TLE4: variants seen among roughly 807,000 people sequenced by gnomAD.
TLE4 encodes the protein transducin-like enhancer protein 4.
A neutral mutation model predicts 92.8 loss-of-function variants in TLE4; 8 were observed. That is an observed-to-expected ratio of 0.09 (90% confidence interval 0.05 to 0.16). TLE4 has a LOEUF of 0.16. TLE4 is among the 10% of genes least tolerant of loss of function. The pLI, the probability that TLE4 is intolerant of heterozygous loss-of-function variation, is 1.00. For synonymous variants in TLE4, 371 were observed against 374.1 expected (o/e 0.99, Z 0.10); for missense variants, 675 against 997.6 (o/e 0.68, Z 4.36).
intron 6 of TLE4, 97 bp downstream of exon 6, chr9:79,627,545 C>T (rs577180091): frequency 8.6e-7 from 1 of 1,164,796 alleles, no homozygotes; most frequent in Non-Finnish European, 1.3e-6. Context: ...GGGCAAAAAG[C>T]AATAGATGAC....
intron 8 of TLE4, among the ~76,000 whole-genome samples, chr9:79,660,292 T>A (rs933411078): frequency 1.3e-5 from 2 of 152,236 alleles, no homozygotes; most frequent in African/African-American, 4.8e-5. Flanking sequence ...TATTTTCTTA[T>A]GTGTTATTTA....
chr9:79,576,848 A>G (rs903662096), intron 4 of TLE4: 1 of 152,006 alleles, frequency 6.6e-6, no homozygotes. Context: ...ACTGAGAGAT[A>G]CGACTCAAAC....
chr9:79,687,271 G>A (rs1227771298), intron 8 of TLE4, among the ~76,000 whole-genome samples: 1 of 152,150 alleles, frequency 6.6e-6, no homozygotes, highest in Non-Finnish European at 1.5e-5. Context: ...CCACGTACAA[G>A]TTATACAGAA....
intron 4 of TLE4, among the ~76,000 whole-genome samples, chr9:79,594,400 A>G (rs2043437652): frequency 6.6e-6 from 1 of 152,114 alleles, no homozygotes; most frequent in East Asian, 1.9e-4. Flanking sequence ...CTTGAATGAG[A>G]TCTCACATTT....
intron 8 of TLE4, among the ~76,000 whole-genome samples, chr9:79,695,512 A>G (rs930341425): frequency 4.6e-5 from 7 of 152,206 alleles, no homozygotes; most frequent in African/African-American, 1.4e-4. Flanking sequence ...TGAAGCATAC[A>G]TGAGCAGAAC....
chr9:79,593,501 A>AC (rs1382263156), intron 4 of TLE4, among the ~76,000 whole-genome samples: 1 of 152,254 alleles, frequency 6.6e-6, no homozygotes, highest in African/African-American at 2.4e-5. Flanking sequence ...AACAGTCAGA[A>AC]CACAGTGATT....
Position 79,725,277 on chromosome 9 carries a change from C to A in TLE4, c.*133C>A. On this transcript the variant is annotated 3_prime_UTR_variant, in exon 20 of 20. Coordinates refer to ENST00000376552, the MANE Select transcript of TLE4 (RefSeq NM_007005.6). ...CATTGCAGTTGTGGAGTTTAATCCC[C>A]TTTCTTAACCTCACTTCCCACTTGC... is the stretch of plus-strand genomic sequence containing the variant. 1.7e-6 allele frequency: 1 copy of A among 600,240 alleles called. No individual in the cohort carries two copies. The highest frequency in any genetic ancestry group is 2.9e-6 in the Non-Finnish European group (1 of 340,134). The allele number at this position is 600,240 out of a possible 1,614,324, so 37.2% of individuals were successfully genotyped here.
At chr9:79,680,668 C>G (rs369187560) in intron 8 of TLE4, among the ~76,000 whole-genome samples, 1 of 152,054 alleles carries the variant, frequency 6.6e-6, no homozygotes, top group African/African-American at 2.4e-5. Flanking sequence ...ACTATGTTGA[C>G]TAGGAGTGGT....
chr9:79,572,665 G>C lies in TLE4; in HGVS notation c.-126G>C. The C allele has an allele frequency of 4.7e-6, 4 of 852,726 alleles. No individual in the cohort carries two copies. Among genetic ancestry groups the C allele is most frequent in the Non-Finnish European group, 7.0e-6 (4 of 573,694 alleles). 52.8% of individuals were successfully genotyped at this position (852,726 alleles called of 1,614,324 possible). A position where few individuals can be genotyped will look rare whatever the true frequency, so the allele number is the denominator to read the frequency against. ...GTCACGCGAGACCCGGCGGGGGCCG[G>C]GACCGCCCGAGCCGCCCCTCAGACC... On this transcript the variant is annotated 5_prime_UTR_variant, in exon 1 of 20. Transcript: ENST00000376552.
chr9:79,596,421 T>C (rs989285558), intron 4 of TLE4, among the ~76,000 whole-genome samples: 5 of 152,072 alleles, frequency 3.3e-5, no homozygotes, highest in Non-Finnish European at 7.4e-5. Context: ...TGGGTAAAAG[T>C]GCAAGAAAAG....
chr9:79,586,704 C>A (rs2041199442), intron 4 of TLE4, among the ~76,000 whole-genome samples: 1 of 152,254 alleles, frequency 6.6e-6, no homozygotes, highest in Non-Finnish European at 1.5e-5. Flanking sequence ...AATGTTTAAT[C>A]TTGGCCTTTT....
chr9:79,689,757 T>C (rs2066664623), intron 8 of TLE4, among the ~76,000 whole-genome samples: 1 of 152,200 alleles, frequency 6.6e-6, no homozygotes, highest in African/African-American at 2.4e-5. Context: ...CTTGTGCTGA[T>C]AGGTAAGCAG....
intron 5 of TLE4, among the ~76,000 whole-genome samples, chr9:79,615,650 C>T (rs55774201): frequency 0.038 from 5,708 of 151,902 alleles, 210 homozygotes; most frequent in African/African-American, 0.092. Flanking sequence ...CTTAAAAAAA[C>T]TATATAGTAC....
chr9:79,599,118 A>G (rs1469074325), intron 4 of TLE4, among the ~76,000 whole-genome samples: 1 of 152,224 alleles, frequency 6.6e-6, no homozygotes, highest in East Asian at 1.9e-4. Flanking sequence ...GAGGACAGAA[A>G]TGCACTGTGG....
chr9:79,627,680 A>G (rs916733003), intron 6 of TLE4: 12 of 515,098 alleles, frequency 2.3e-5, no homozygotes, highest in Admixed American at 1.4e-4. Flanking sequence ...CTCTAAGGAG[A>G]CTGGATAGCT....
At chr9:79,576,935 ATC>A (rs977575835) in intron 4 of TLE4, 1 of 151,782 alleles carries the variant, frequency 6.6e-6, no homozygotes, top group African/African-American at 2.4e-5. Flanking sequence ...TAGCGGGTAT[ATC>A]TATCTATATA....
chr9:79,575,011 T>G, intron 3 of TLE4, 75 bp downstream of exon 3: 2 of 1,285,778 alleles, frequency 1.6e-6, no homozygotes, highest in Non-Finnish European at 2.3e-6. Context: ...TTTAAATTGC[T>G]GGGGGCTGCA....
chr9:79,588,997 T>C (rs1352406125), intron 4 of TLE4, among the ~76,000 whole-genome samples: 4 of 152,130 alleles, frequency 2.6e-5, no homozygotes, highest in African/African-American at 9.7e-5. Context: ...GTGATGATAT[T>C]TGGGGTTGTC....
Position 79,722,476 on chromosome 9 carries a change from C to T in TLE4, c.2012C>T (p.Thr671Ile). 2 of 1,614,206 alleles carry T rather than the reference C, an allele frequency of 1.2e-6. No individual in the cohort carries two copies. The highest frequency in any genetic ancestry group is 1.7e-6 in the Non-Finnish European group (2 of 1,180,030). The change falls in exon 18 of 20, where the codon ACT (threonine) becomes ATT (isoleucine). Residue 671 changes from threonine (T) to isoleucine (I), a missense_variant. Thr to Ile is a moderately conservative substitution (Grantham distance 89). This residue lies in a region of TLE4 where 170 missense variants were observed against 359.6 expected (regional missense o/e 0.47). Coordinates refer to ENST00000376552, the MANE Select transcript of TLE4 (RefSeq NM_007005.6). ...SQIFSLGYCP[T>I]GEWLAVGMEN... Reference sequence around the variant, plus strand: ...ATCTTTTCTCTGGGCTACTGCCCAACTGGAGAGTGGCTTGCAGTGGGGATG... The same window carrying T: ...ATCTTTTCTCTGGGCTACTGCCCAATTGGAGAGTGGCTTGCAGTGGGGATG...
Sources: allele counts gnomAD v4.1 joint callset (sites outside exome capture counted in the v4.1 genomes callset), GRCh38; gene constraint gnomAD v4.1.1; regional missense constraint gnomAD v4.1.1; transcripts MANE v1.5; gene names NCBI Gene and HGNC (gene_info 2026-07-23, HGNC 2026-07-21).